The following H2BC5 variants were observed in gnomAD, a reference collection of about 807,000 sequenced individuals.
H2BC5 encodes the protein histone H2B type 1-D.
In H2BC5, 9 loss-of-function variants were observed where a neutral mutation model predicts 5.7. The observed-to-expected ratio is 1.57, with a 90% CI of 0.95 to 2.74. The LOEUF is 2.74. H2BC5 is among the 30% of genes most tolerant of loss of function. The probability of loss-of-function intolerance (pLI) is 0.00; values close to 1 mark genes in which losing one functional copy is unlikely to be tolerated. For synonymous variants in H2BC5, 133 were observed against 70.9 expected (o/e 1.88, Z -4.40); for missense variants, 175 against 168.8 (o/e 1.04, Z -0.20).
At chr6:26,158,876 ATGT>A (rs1471754761), downstream of H2BC5, among the ~76,000 whole-genome samples, 2 of 152,188 alleles carry the variant, frequency 1.3e-5, no homozygotes, top group Admixed American at 1.3e-4. Context: ...GTTGATCGTG[ATGT>A]TGATCCGGGA....
chr6:26,165,544 A>G (rs945808228), intron 1 of H2BC5, among the ~76,000 whole-genome samples: 10 of 152,118 alleles, frequency 6.6e-5, no homozygotes, highest in African/African-American at 2.4e-4. Flanking sequence ...TTTGTTTCAA[A>G]CTTTTGGAGA....
chr6:26,165,505 CAT>C (rs773750289), intron 1 of H2BC5, among the ~76,000 whole-genome samples: 4 of 152,116 alleles, frequency 2.6e-5, no homozygotes, highest in Non-Finnish European at 1.5e-5. Flanking sequence ...TGACGTCCTG[CAT>C]CCTACCCATG....
chr6:26,171,084 C>G (rs1482229321), exon 2 of H2BC5: 1 of 151,048 alleles, frequency 6.6e-6, no homozygotes, highest in African/African-American at 2.4e-5. Context: ...TGTGTGGATC[C>G]CACCCAAATC....
downstream of H2BC5, chr6:26,158,728 G>A: frequency 4.7e-6 from 5 of 1,063,998 alleles, no homozygotes; most frequent in Non-Finnish European, 6.7e-6. Context: ...GAAGTTACAG[G>A]GAATAACAAT....
chr6:26,163,307 C>T (rs1031669984), downstream of H2BC5: 50 of 152,054 alleles, frequency 3.3e-4, no homozygotes, highest in African/African-American at 1.2e-3. Flanking sequence ...TTTGGGCTTA[C>T]CTTTATCAAG....
At chr6:26,162,981 G>T (rs933059402), downstream of H2BC5, among the ~76,000 whole-genome samples, 10 of 152,044 alleles carry the variant, frequency 6.6e-5, no homozygotes, top group Non-Finnish European at 1.2e-4. Flanking sequence ...ATTTCTTTGT[G>T]TTGATTCATG....
rs748939775 is a variant in H2BC5 at position 26,158,564 on chromosome 6, G to C, written c.*14G>C. 4 of 1,613,982 alleles carry C rather than the reference G, an allele frequency of 2.5e-6. No homozygotes were observed. In the South Asian group the frequency reaches 4.4e-5, roughly 18 times the overall value. On this transcript the variant is annotated 3_prime_UTR_variant, in exon 1 of 1. Coordinates refer to ENST00000377777, the MANE Select transcript of H2BC5 (RefSeq NM_021063.4). ...AGTTCCAAGTAACTTTGCCAAGTAA[G>C]CATCTTTACACCTAATCCCAAAGGC...
exon 2 of H2BC5, chr6:26,171,260 C>T (rs531757338): frequency 6.6e-6 from 1 of 152,130 alleles, no homozygotes; most frequent in Non-Finnish European, 1.5e-5. Flanking sequence ...TTGCCATGGA[C>T]TACCTTTGCT....
At chr6:26,161,844 C>T (rs544839671), downstream of H2BC5, among the ~76,000 whole-genome samples, 37 of 152,186 alleles carry the variant, frequency 2.4e-4, no homozygotes, top group Non-Finnish European at 7.4e-5. Context: ...GACCTAATCA[C>T]AGTACCAGAA....
downstream of H2BC5, chr6:26,158,672 G>A: frequency 1.4e-6 from 2 of 1,413,750 alleles, no homozygotes; most frequent in South Asian, 1.4e-5. Flanking sequence ...TAGCACCACA[G>A]TACCAATCTT....
rs776981673 is a variant in H2BC5, at chr6:26,158,423, A to G, written c.254A>G (p.Asn85Ser). 30 of 1,614,098 alleles carry G rather than the reference A, an allele frequency of 1.9e-5. No homozygotes were observed. Among genetic ancestry groups the G allele is most frequent in the Non-Finnish European group, 2.5e-5 (29 of 1,180,024 alleles). ...GAGGCTTCCCGCCTGGCGCATTACA[A>G]CAAGCGCTCGACCATCACCTCCAGG... ...AGEASRLAHYNKRSTITSREI... is the reference protein window; with the variant it reads ...AGEASRLAHYSKRSTITSREI... The change falls in exon 1 of 1, where the codon AAC becomes AGC. Residue 85 changes from asparagine (N) to serine (S), a missense_variant. This residue lies in a region of H2BC5 where 43 missense variants were observed against 37.7 expected (regional missense o/e 1.14). Coordinates refer to ENST00000377777, the MANE Select transcript of H2BC5 (RefSeq NM_021063.4).
At chr6:26,166,155 C>A (rs1355414246) in intron 1 of H2BC5, among the ~76,000 whole-genome samples, 1 of 152,206 alleles carries the variant, frequency 6.6e-6, no homozygotes, top group Non-Finnish European at 1.5e-5. Context: ...TCTGTTGAGC[C>A]CAAAGGCTGG....
downstream of H2BC5, chr6:26,158,635 T>G: frequency 6.4e-7 from 1 of 1,559,116 alleles, no homozygotes; most frequent in Non-Finnish European, 8.7e-7. Flanking sequence ...TTGTAATCAT[T>G]TCATTCAAAA....
At chr6:26,162,886 T>C (rs1022926877), downstream of H2BC5, among the ~76,000 whole-genome samples, 1 of 152,146 alleles carries the variant, frequency 6.6e-6, no homozygotes, top group Non-Finnish European at 1.5e-5. Flanking sequence ...TTAGGTATGA[T>C]TTATGAATTT....
At chr6:26,168,169 A>T (rs764071799) in intron 1 of H2BC5, among the ~76,000 whole-genome samples, 7 of 152,172 alleles carry the variant, frequency 4.6e-5, no homozygotes, top group Non-Finnish European at 1.0e-4. Flanking sequence ...TATAAAAATA[A>T]AAACTTGGGC....
intron 1 of H2BC5, among the ~76,000 whole-genome samples, chr6:26,168,054 T>G (rs1764460494): frequency 6.6e-6 from 1 of 152,140 alleles, no homozygotes. Flanking sequence ...ATTGAAGGTA[T>G]CTGCTTTCCA....
downstream of H2BC5, chr6:26,163,311 T>C (rs1338473337): frequency 1.3e-5 from 2 of 152,100 alleles, no homozygotes; most frequent in African/African-American, 4.8e-5. Context: ...GGCTTACCTT[T>C]ATCAAGTTTC....
chr6:26,170,128 A>G (rs1764496400), intron 1 of H2BC5, among the ~76,000 whole-genome samples: 1 of 152,190 alleles, frequency 6.6e-6, no homozygotes, highest in Non-Finnish European at 1.5e-5. Flanking sequence ...TGGATTGATG[A>G]AAATGTCACC....
chr6:26,162,268 G>A (rs778621977), downstream of H2BC5, among the ~76,000 whole-genome samples: 1 of 151,600 alleles, frequency 6.6e-6, no homozygotes, highest in South Asian at 2.1e-4. Context: ...ATCAATAGTC[G>A]ACTGACTTGA....
Sources: allele counts gnomAD v4.1 joint callset (sites outside exome capture counted in the v4.1 genomes callset), GRCh38; gene constraint gnomAD v4.1.1; regional missense constraint gnomAD v4.1.1; transcripts MANE v1.5; gene names NCBI Gene and HGNC (gene_info 2026-07-23, HGNC 2026-07-21).